SPOP: variants seen among roughly 807,000 people sequenced by gnomAD.
SPOP encodes the protein speckle type BTB/POZ protein, also known as speckle-type POZ protein.
A neutral mutation model predicts 45.6 loss-of-function variants in SPOP; 11 were observed. That is an observed-to-expected ratio of 0.24 (90% CI 0.15 to 0.40). The LOEUF is 0.40. Among genes scored for constraint, SPOP ranks in the 10% least tolerant of loss-of-function variants. The pLI is 1.00. For synonymous variants in SPOP, 166 were observed against 166.3 expected (o/e 1.00, Z 0.01); for missense variants, 152 against 465.6 (o/e 0.33, Z 6.20).
intron 1 of SPOP, among the ~76,000 whole-genome samples, chr17:49,677,398 G>A (rs567187469): frequency 1.3e-5 from 2 of 152,224 alleles, no homozygotes; most frequent in South Asian, 2.1e-4. Flanking sequence ...CACCAGATGA[G>A]AATAGTGCTT....
At chr17:49,664,758 A>G (rs2073031196) in intron 1 of SPOP, among the ~76,000 whole-genome samples, 1 of 152,186 alleles carries the variant, frequency 6.6e-6, no homozygotes, top group Non-Finnish European at 1.5e-5. Flanking sequence ...TCAACTGACC[A>G]TATCAGATCT....
At chr17:49,665,686 A>C (rs933690597) in intron 1 of SPOP, among the ~76,000 whole-genome samples, 18 of 143,858 alleles carry the variant, frequency 1.3e-4, no homozygotes, top group African/African-American at 4.2e-4. Context: ...ACACACACAC[A>C]CACACACACC....
chr17:49,645,904 C>A (rs998457033), intron 1 of SPOP, among the ~76,000 whole-genome samples: 1 of 151,748 alleles, frequency 6.6e-6, no homozygotes, highest in Non-Finnish European at 1.5e-5. Context: ...ATCTCACTGA[C>A]CAACAGTTGC....
rs1282918947 is a variant in SPOP, at chr17:49,611,477, AC to A, written c.481-21del. The A allele has an allele frequency of 6.8e-6, 11 of 1,611,252 alleles. No individual in the cohort carries two copies. The African/African-American group carries it at 1.5e-4, about 22-fold the overall frequency. The stretch of plus-strand genomic sequence containing the variant: ...ACTCACCTGTGAAAGACAAGGAAAC[AC>A]AAGCCAAGCTTTTGTTACCAGGAAT... On this transcript the variant is annotated intron_variant, in intron 5 of 9. Transcript: ENST00000504102.
At chr17:49,618,560 G>A (rs530404741) in intron 5 of SPOP, 3 of 456,872 alleles carry the variant, frequency 6.6e-6, no homozygotes, top group South Asian at 4.6e-5. Flanking sequence ...CTCTTGATAA[G>A]AATCTAGTTC....
chr17:49,623,195 A>G (rs2072255506), intron 1 of SPOP, among the ~76,000 whole-genome samples: 1 of 152,042 alleles, frequency 6.6e-6, no homozygotes, highest in African/African-American at 2.4e-5. Flanking sequence ...TTTAGCAGAG[A>G]CGGGGTTTCT....
chr17:49,615,902 TG>T (rs1411714488), intron 5 of SPOP, among the ~76,000 whole-genome samples: 1 of 151,646 alleles, frequency 6.6e-6, no homozygotes, highest in Non-Finnish European at 1.5e-5. Context: ...CCTTGTAACA[TG>T]AAATGAAGAA....
At chr17:49,674,591 C>A (rs1347952225) in intron 1 of SPOP, among the ~76,000 whole-genome samples, 1 of 152,134 alleles carries the variant, frequency 6.6e-6, no homozygotes, top group African/African-American at 2.4e-5. Context: ...AATGCTAGTA[C>A]CAGTATTCTG....
intron 1 of SPOP, among the ~76,000 whole-genome samples, chr17:49,653,942 G>GTTTT (rs1005139484): frequency 7.3e-4 from 111 of 152,060 alleles, no homozygotes; most frequent in African/African-American, 2.6e-3. Context: ...CAGAAAAAAA[G>GTTTT]TTTTTTCTAT....
chr17:49,609,517 G>C (rs1395395390), intron 6 of SPOP, among the ~76,000 whole-genome samples: 1 of 152,140 alleles, frequency 6.6e-6, no homozygotes, highest in Non-Finnish European at 1.5e-5. Context: ...AACTGAAGCA[G>C]ATCCTCAGGG....
intron 2 of SPOP, chr17:49,622,483 G>C (rs1326268963): frequency 5.4e-6 from 3 of 551,890 alleles, no homozygotes; most frequent in Non-Finnish European, 9.7e-6. Flanking sequence ...CTTTCATCAA[G>C]GGCAATGTAA....
At chr17:49,622,936 T>C (rs1460546673) in intron 1 of SPOP, 60 bp from the exon 2 acceptor site, 79 of 763,296 alleles carry the variant, frequency 1.0e-4, no homozygotes, top group African/African-American at 1.8e-5. Flanking sequence ...ATCCTAACTA[T>C]TGTTTGACCT....
chr17:49,677,983 A>C lies in SPOP; in HGVS notation c.-117T>G. The C allele has an allele frequency of 2.6e-6, 1 of 383,450 alleles. No individual in the cohort carries two copies. The highest frequency in any genetic ancestry group is 4.6e-6 in the Non-Finnish European group (1 of 217,832). 23.8% of individuals were successfully genotyped at this position (383,450 alleles called of 1,614,324 possible). On this transcript the variant is annotated 5_prime_UTR_variant, in exon 1 of 10. It removes an upstream start codon present in the reference 5' UTR. Coordinates refer to ENST00000504102, the MANE Select transcript of SPOP (RefSeq NM_001007228.2). ...GTCCCCGTCCCCCTGCGCTTGCCTC[A>C]TACTGTCCGCAACATCCGGGACCTG...
intron 5 of SPOP, among the ~76,000 whole-genome samples, chr17:49,617,286 G>C (rs2072108527): frequency 6.6e-6 from 1 of 152,212 alleles, no homozygotes; most frequent in African/African-American, 2.4e-5. Context: ...TTTCTGAAAT[G>C]CAAGTCTGTA....
intron 8 of SPOP, among the ~76,000 whole-genome samples, chr17:49,604,258 T>C (rs16948289): frequency 0.1 from 15,969 of 152,186 alleles, 1,077 homozygotes; most frequent in East Asian, 0.26. Flanking sequence ...AAAGCAAGTT[T>C]CCCCTGGTCA....
chr17:49,675,609 A>T (rs1285307676), intron 1 of SPOP, among the ~76,000 whole-genome samples: 1 of 152,186 alleles, frequency 6.6e-6, no homozygotes, highest in African/African-American at 2.4e-5. Context: ...ATGATTTTTT[A>T]AAAAAGGCTC....
At chr17:49,611,940 T>C (rs544949550) in intron 5 of SPOP, among the ~76,000 whole-genome samples, 2 of 151,482 alleles carry the variant, frequency 1.3e-5, no homozygotes, top group African/African-American at 4.9e-5. Flanking sequence ...TGGAGTCCAG[T>C]AGCATGATCA....
intron 8 of SPOP, among the ~76,000 whole-genome samples, chr17:49,604,407 T>C (rs757284718): frequency 1.3e-5 from 2 of 152,152 alleles, no homozygotes; most frequent in Non-Finnish European, 2.9e-5. Flanking sequence ...ACCTGCCCCA[T>C]CCTCCACATA....
At chr17:49,654,020 T>C (rs1341779659) in intron 1 of SPOP, among the ~76,000 whole-genome samples, 1 of 152,156 alleles carries the variant, frequency 6.6e-6, no homozygotes, top group Non-Finnish European at 1.5e-5. Flanking sequence ...AATTCTGTCT[T>C]AGATCAGGAT....
Sources: gnomAD v4.1 joint callset for allele counts (sites outside exome capture counted in the v4.1 genomes callset) on GRCh38, gnomAD v4.1.1 for gene constraint, MANE v1.5 for transcripts, NCBI Gene and HGNC (gene_info 2026-07-23, HGNC 2026-07-21) for gene names.